NAALADL2: variants seen among roughly 807,000 people sequenced by gnomAD.
NAALADL2 encodes the protein N-acetylated alpha-linked acidic dipeptidase like 2.
A neutral mutation model predicts 87.2 loss-of-function variants in NAALADL2; 76 were observed. The observed-to-expected ratio is 0.87, with a 90% CI of 0.72 to 1.05. The LOEUF is 1.05. NAALADL2 is among the 50% of genes least tolerant of loss of function. NAALADL2 has a pLI of 0.00. For synonymous variants in NAALADL2, 354 were observed against 331.0 expected (o/e 1.07, Z -0.75); for missense variants, 1,089 against 945.8 (o/e 1.15, Z -1.99).
chr3:175,070,640 C>G (rs1715462097), intron 1 of NAALADL2, among the ~76,000 whole-genome samples: 1 of 151,886 alleles, frequency 6.6e-6, no homozygotes, highest in Non-Finnish European at 1.5e-5. Flanking sequence ...ATAGGGAATC[C>G]CAACATGTCA....
At chr3:175,022,999 T>G (rs2108872161) in intron 1 of NAALADL2, among the ~76,000 whole-genome samples, 1 of 152,202 alleles carries the variant, frequency 6.6e-6, no homozygotes, top group African/African-American at 2.4e-5. Context: ...GTTTTGACTC[T>G]TAGGAATATT....
At chr3:175,045,466 T>G (rs1218684523) in intron 1 of NAALADL2, among the ~76,000 whole-genome samples, 3 of 152,170 alleles carry the variant, frequency 2.0e-5, no homozygotes, top group African/African-American at 7.2e-5. Flanking sequence ...GTTACTAGTT[T>G]GGTATTTATT....
intron 3 of NAALADL2, among the ~76,000 whole-genome samples, chr3:174,802,924 A>G (rs1186184329): frequency 3.3e-5 from 5 of 152,130 alleles, no homozygotes; most frequent in South Asian, 2.1e-4. Flanking sequence ...GCTCTTGTGA[A>G]TAGTGCACAA....
At chr3:174,642,456 G>A (rs1008929643) in intron 2 of NAALADL2, among the ~76,000 whole-genome samples, 8 of 149,754 alleles carry the variant, frequency 5.3e-5, no homozygotes, top group Admixed American at 4.7e-4. Flanking sequence ...AGCTGAGATC[G>A]CGCCACTGCA....
At chr3:174,522,591 A>T (rs1490232746) in intron 1 of NAALADL2, among the ~76,000 whole-genome samples, 2 of 152,054 alleles carry the variant, frequency 1.3e-5, no homozygotes, top group Non-Finnish European at 2.9e-5. Flanking sequence ...GTGAGCCATG[A>T]TCACACCATT....
intron 5 of NAALADL2, among the ~76,000 whole-genome samples, chr3:175,348,524 G>A (rs894228329): frequency 6.6e-6 from 1 of 152,078 alleles, no homozygotes; most frequent in African/African-American, 2.4e-5. Context: ...GGTGTTGGCA[G>A]GGCCATGTTC....
chr3:174,783,039 T>A (rs563041667), intron 3 of NAALADL2, among the ~76,000 whole-genome samples: 1 of 152,314 alleles, frequency 6.6e-6, no homozygotes, highest in South Asian at 2.1e-4. Context: ...ATTTTCTAGG[T>A]TGCATCCATA....
chr3:175,669,155 A>G (rs1733598718), intron 11 of NAALADL2, among the ~76,000 whole-genome samples: 1 of 152,028 alleles, frequency 6.6e-6, no homozygotes, highest in Admixed American at 6.6e-5. Context: ...GCAATTAAAC[A>G]AAAGGGAAAA....
At chr3:175,477,260 C>T (rs1216323928) in intron 9 of NAALADL2, among the ~76,000 whole-genome samples, 7 of 152,242 alleles carry the variant, frequency 4.6e-5, no homozygotes, top group African/African-American at 7.2e-5. Context: ...CATCATCAAG[C>T]ATCTTTTAGA....
At chr3:175,320,447 C>T (rs1472702079) in intron 4 of NAALADL2, among the ~76,000 whole-genome samples, 11 of 152,136 alleles carry the variant, frequency 7.2e-5, no homozygotes, top group East Asian at 5.8e-4. Flanking sequence ...CATAAGGTTA[C>T]GTGTAAATTC....
intron 4 of NAALADL2, among the ~76,000 whole-genome samples, chr3:175,261,297 A>G (rs1039206969): frequency 4.6e-5 from 7 of 152,108 alleles, no homozygotes; most frequent in Admixed American, 2.0e-4. Flanking sequence ...TTAATTTTAT[A>G]AAATTCAATG....
intron 2 of NAALADL2, among the ~76,000 whole-genome samples, chr3:175,219,866 TTC>T (rs759254383): frequency 0.043 from 6,189 of 144,306 alleles, 329 homozygotes; most frequent in African/African-American, 0.15. Flanking sequence ...GTGGTTTTCT[TTC>T]TTTTTTTTTT....
intron 1 of NAALADL2, among the ~76,000 whole-genome samples, chr3:175,051,896 G>A (rs1475113087): frequency 6.6e-6 from 1 of 152,188 alleles, no homozygotes; most frequent in Non-Finnish European, 1.5e-5. Flanking sequence ...GAAAGCAGAA[G>A]AGGCATTTGC....
chr3:175,631,591 G>A (rs1560883587), intron 11 of NAALADL2, among the ~76,000 whole-genome samples: 1 of 151,850 alleles, frequency 6.6e-6, no homozygotes, highest in Non-Finnish European at 1.5e-5. Flanking sequence ...TGACAGTCAG[G>A]TGGTACAGTA....
At chr3:175,321,266 G>C (rs12495416) in intron 4 of NAALADL2, among the ~76,000 whole-genome samples, 28,714 of 133,962 alleles carry the variant, frequency 0.21, 3,138 homozygotes, top group East Asian at 0.27. Context: ...TGCAGAAAAA[G>C]CCTTTGACAA....
At chr3:174,777,088 T>C (rs1050787463) in intron 3 of NAALADL2, among the ~76,000 whole-genome samples, 1 of 152,104 alleles carries the variant, frequency 6.6e-6, no homozygotes, top group African/African-American at 2.4e-5. Context: ...TCAACTATCA[T>C]AATCTTTTCA....
intron 9 of NAALADL2, among the ~76,000 whole-genome samples, chr3:175,550,660 G>A (rs555507271): frequency 6.6e-6 from 1 of 152,218 alleles, no homozygotes; most frequent in South Asian, 2.1e-4. Context: ...TGGGCAGGAT[G>A]GATGCATTAT....
At chr3:175,016,769 T>C (rs1750877039) in intron 1 of NAALADL2, among the ~76,000 whole-genome samples, 1 of 151,984 alleles carries the variant, frequency 6.6e-6, no homozygotes, top group African/African-American at 2.4e-5. Flanking sequence ...CTTAGAATAT[T>C]TTCTTTTCTT....
intron 3 of NAALADL2, among the ~76,000 whole-genome samples, chr3:174,845,119 G>T (rs1265497888): frequency 6.6e-6 from 1 of 152,192 alleles, no homozygotes; most frequent in Non-Finnish European, 1.5e-5. Flanking sequence ...GATACAATAT[G>T]TTGGGTCAAT....
Sources: allele counts gnomAD v4.1 joint callset (sites outside exome capture counted in the v4.1 genomes callset), GRCh38; gene constraint gnomAD v4.1.1; transcripts MANE v1.5; gene names NCBI Gene and HGNC (gene_info 2026-07-23, HGNC 2026-07-21).